Variants in ADAMTSL1 observed in about 807,000 individuals in gnomAD.
ADAMTSL1 encodes ADAMTS-like protein 1.
ADAMTSL1 carries 126 observed loss-of-function variants against 201.8 expected under a neutral mutation model. The ratio of observed to expected loss-of-function variants is 0.62; its 90% CI spans 0.54 to 0.72. The LOEUF (loss-of-function observed/expected upper bound fraction) is 0.72. Ranked by LOEUF, ADAMTSL1 falls within the 30% of genes least tolerant of loss-of-function variation. The pLI is 0.00. For missense variants in ADAMTSL1, 2,679 were observed against 2,277.8 expected (o/e 1.18, Z -3.59); for synonymous variants, 1,121 against 903.4 (o/e 1.24, Z -4.32).
At chr9:18,580,095 A>C (rs949825292) in intron 4 of ADAMTSL1, among the ~76,000 whole-genome samples, 9 of 152,330 alleles carry the variant, frequency 5.9e-5, no homozygotes, top group African/African-American at 2.2e-4. Context: ...ATGAATCTGC[A>C]TATTTATAAT....
chr9:18,334,150 T>C (rs1835137777), intron 2 of ADAMTSL1, among the ~76,000 whole-genome samples: 2 of 152,134 alleles, frequency 1.3e-5, no homozygotes, highest in African/African-American at 4.8e-5. Flanking sequence ...AGAGTGTTAG[T>C]AAGCATTTAA....
chr9:18,067,671 G>A (rs1223431627), intron 1 of ADAMTSL1, among the ~76,000 whole-genome samples: 1 of 152,184 alleles, frequency 6.6e-6, no homozygotes, highest in African/African-American at 2.4e-5. Flanking sequence ...TCAGCACAGA[G>A]AGCTGTCGGC....
intron 3 of ADAMTSL1, among the ~76,000 whole-genome samples, chr9:18,543,006 A>AG (rs1249010158): frequency 6.6e-6 from 1 of 152,190 alleles, no homozygotes; most frequent in Non-Finnish European, 1.5e-5. Flanking sequence ...GACGAACTCT[A>AG]GAAAAACAGA....
rs187309082 is a variant in ADAMTSL1, at chr9:18,777,466, C to T, written c.3237C>T (p.Asp1079=). 1.3e-4 allele frequency: 200 copies of T among 1,594,152 alleles called. 1 individual carries two copies. The East Asian group carries it at 2.3e-3, about 18-fold the overall frequency. ...FTMVTEQRRL[D]DILGNLSQQP... is the part of the protein sequence containing the mutation. ...TGGTGACCGAGCAGCGGCGCCTGGA[C>T]GACATCCTGGGGAACCTCTCCCAGC... Residue 1079 remains aspartate (D), a synonymous_variant, in exon 19 of 29, where the codon GAC becomes GAT. Coordinates refer to ENST00000380548, the MANE Select transcript of ADAMTSL1 (RefSeq NM_001040272.6).
chr9:18,476,550 T>G (rs572134926), intron 1 of ADAMTSL1, among the ~76,000 whole-genome samples: 1 of 152,306 alleles, frequency 6.6e-6, no homozygotes, highest in African/African-American at 2.4e-5. Flanking sequence ...AATTATTGGC[T>G]TAAGAGATTG....
At chr9:18,651,953 A>G (rs1175414983) in intron 7 of ADAMTSL1, among the ~76,000 whole-genome samples, 3 of 152,146 alleles carry the variant, frequency 2.0e-5, no homozygotes, top group East Asian at 1.9e-4. Flanking sequence ...TGATTGATAC[A>G]TGAGGCAGAT....
At chr9:18,203,178 G>C (rs897768316) in intron 2 of ADAMTSL1, among the ~76,000 whole-genome samples, 16 of 152,066 alleles carry the variant, frequency 1.1e-4, no homozygotes, top group Non-Finnish European at 2.4e-4. Context: ...TCTGCTGGAG[G>C]CTCCCTGCTG....
At position 18,465,556 on chromosome 9, in the gene ADAMTSL1, C is replaced by T. The variant is rs112039420; in HGVS notation, c.208-39273C>T. 1.5e-3 allele frequency among the ~76,000 whole-genome samples: 227 copies of T among 152,152 alleles called. 1 individual carries two copies. The highest frequency in any genetic ancestry group is 5.0e-3 in the African/African-American group (206 of 41,522). ...GAGGGTATGCCCCTCTCTTTATGGG[C>T]GTTTCTTGGAATTACACCCACTTGC... On this transcript the variant is annotated intron_variant, in intron 2 of 29. Coordinates refer to the ADAMTSL1 transcript ENST00000680146.
chr9:18,226,499 G>A (rs919480226), intron 2 of ADAMTSL1, among the ~76,000 whole-genome samples: 37 of 152,008 alleles, frequency 2.4e-4, no homozygotes, highest in African/African-American at 6.3e-4. Flanking sequence ...TCTTTCCTGG[G>A]TGGTTACAGT....
At chr9:17,988,009 T>C (rs935910057) in intron 1 of ADAMTSL1, among the ~76,000 whole-genome samples, 2 of 152,112 alleles carry the variant, frequency 1.3e-5, no homozygotes, top group Non-Finnish European at 2.9e-5. Flanking sequence ...AAAGTAGTAA[T>C]TGCAAAAGTA....
At chr9:18,099,355 ATTTTTTTTT>A (rs397893715) in intron 1 of ADAMTSL1, among the ~76,000 whole-genome samples, 6 of 45,544 alleles carry the variant, frequency 1.3e-4, no homozygotes, top group Admixed American at 3.3e-4. Context: ...ATATATATAT[ATTTTTTTTT>A]TTTTTTTTAA....
At chr9:18,397,720 G>T (rs375280037) in intron 2 of ADAMTSL1, among the ~76,000 whole-genome samples, 70 of 152,236 alleles carry the variant, frequency 4.6e-4, no homozygotes, top group African/African-American at 1.6e-3. Context: ...ATTGAAAAAG[G>T]TTTATTTTTA....
At chr9:18,026,738 G>A (rs560730043) in intron 1 of ADAMTSL1, among the ~76,000 whole-genome samples, 1 of 152,016 alleles carries the variant, frequency 6.6e-6, no homozygotes, top group African/African-American at 2.4e-5. Context: ...TTAGAGAGGA[G>A]TCCCTCCTCC....
At chr9:18,039,973 CAT>C (rs1441886091) in intron 1 of ADAMTSL1, among the ~76,000 whole-genome samples, 1 of 152,154 alleles carries the variant, frequency 6.6e-6, no homozygotes, top group African/African-American at 2.4e-5. Context: ...TATGACAAAA[CAT>C]ATATGCAAAG....
chr9:18,401,792 G>C (rs1563936440), intron 2 of ADAMTSL1, among the ~76,000 whole-genome samples: 1 of 152,092 alleles, frequency 6.6e-6, no homozygotes, highest in Non-Finnish European at 1.5e-5. Context: ...TGTTCAGGGA[G>C]AGGAAGCTGT....
At chr9:18,691,836 C>G (rs1331936901) in intron 13 of ADAMTSL1, among the ~76,000 whole-genome samples, 1 of 152,104 alleles carries the variant, frequency 6.6e-6, no homozygotes, top group Non-Finnish European at 1.5e-5. Context: ...TTAAGTTAAT[C>G]TGTGTAAAGT....
intron 7 of ADAMTSL1, among the ~76,000 whole-genome samples, chr9:18,647,291 A>T (rs1355760664): frequency 4.0e-5 from 6 of 151,186 alleles, no homozygotes; most frequent in Non-Finnish European, 7.4e-5. Context: ...TTTCTTTATT[A>T]GTCTTCCTAG....
chr9:18,209,118 C>T (rs1470830069), intron 2 of ADAMTSL1, among the ~76,000 whole-genome samples: 4 of 152,002 alleles, frequency 2.6e-5, no homozygotes, highest in Non-Finnish European at 5.9e-5. Context: ...GTTGTGAATT[C>T]AAATCTGCAT....
chr9:18,228,230 C>G (rs1781346653), intron 2 of ADAMTSL1, among the ~76,000 whole-genome samples: 2 of 152,102 alleles, frequency 1.3e-5, no homozygotes, highest in South Asian at 4.1e-4. Context: ...GCTCTTAAGG[C>G]TTGATGATAG....
Sources: allele counts gnomAD v4.1 joint callset (sites outside exome capture counted in the v4.1 genomes callset), GRCh38; gene constraint gnomAD v4.1.1; transcripts MANE v1.5; gene names NCBI Gene and HGNC (gene_info 2026-07-23, HGNC 2026-07-21).